Variants in GCNT1 observed in about 807,000 individuals in gnomAD.
GCNT1 encodes beta-1,3-galactosyl-O-glycosyl-glycoprotein beta-1,6-N-acetylglucosaminyltransferase.
Under a neutral mutation model 26.2 loss-of-function variants are expected in GCNT1, and 16 were observed. The observed-to-expected ratio is 0.61, with a 90% CI of 0.41 to 0.93. The LOEUF is 0.93. Among genes scored for constraint, GCNT1 ranks in the 40% least tolerant of loss-of-function variants. The pLI is 0.00. For synonymous variants in GCNT1, 183 were observed against 190.8 expected, an observed-to-expected ratio of 0.96 and a Z score of 0.34; for missense variants, 477 against 526.7, an observed-to-expected ratio of 0.91 and a Z score of 0.92.
chr9:76,487,133 CT>C (rs1824602247), intron 2 of GCNT1, among the ~76,000 whole-genome samples: 1 of 152,094 alleles, frequency 6.6e-6, no homozygotes, highest in Admixed American at 6.6e-5. Context: ...ACCAAATACC[CT>C]AAGATGAGAT....
chr9:76,465,851 T>C (rs1823981577), intron 2 of GCNT1, among the ~76,000 whole-genome samples: 1 of 152,160 alleles, frequency 6.6e-6, no homozygotes, highest in Admixed American at 6.5e-5. Context: ...GATTCAAAAG[T>C]TTCTGGCATA....
At chr9:76,454,634 G>T (rs1293488096), upstream of GCNT1, among the ~76,000 whole-genome samples, 1 of 151,498 alleles carries the variant, frequency 6.6e-6, no homozygotes, top group African/African-American at 2.4e-5. Flanking sequence ...TGGATCGTGG[G>T]GGCAGTTTCC....
At chr9:76,482,772 G>A (rs1166392232) in intron 2 of GCNT1, among the ~76,000 whole-genome samples, 1 of 151,224 alleles carries the variant, frequency 6.6e-6, no homozygotes, top group Admixed American at 6.6e-5. Flanking sequence ...AGCCTCCTGG[G>A]TAGCTGAGAC....
intron 2 of GCNT1, among the ~76,000 whole-genome samples, chr9:76,495,459 T>C (rs533245296): frequency 4.7e-4 from 71 of 152,278 alleles, no homozygotes; most frequent in Non-Finnish European, 9.3e-4. Flanking sequence ...TTCCACAGCA[T>C]GGAAGGGGAC....
chr9:76,485,657 G>T (rs1224943985), intron 2 of GCNT1, among the ~76,000 whole-genome samples: 1 of 151,980 alleles, frequency 6.6e-6, no homozygotes, highest in Non-Finnish European at 1.5e-5. Context: ...CATCATCTTG[G>T]GATCTGTCTT....
chr9:76,394,060 C>T, the GCNT1 span: 1 of 1,565,500 alleles, frequency 6.4e-7, no homozygotes, highest in Admixed American at 1.9e-5. Flanking sequence ...CGTGACCCGG[C>T]CCGGGGGACT....
chr9:76,456,738 T>G (rs1823763329), upstream of GCNT1, among the ~76,000 whole-genome samples: 1 of 152,178 alleles, frequency 6.6e-6, no homozygotes, highest in South Asian at 2.1e-4. Flanking sequence ...TATGGGAGAC[T>G]GAGGTGGGTG....
intron 1 of GCNT1, among the ~76,000 whole-genome samples, chr9:76,421,098 A>G (rs1356698896): frequency 1.3e-5 from 2 of 152,160 alleles, no homozygotes; most frequent in African/African-American, 4.8e-5. Context: ...ATATAAATGC[A>G]AGTGGAAAAA....
At chr9:76,397,131 A>C in the GCNT1 span, among the ~76,000 whole-genome samples, 1 of 152,152 alleles carries the variant, frequency 6.6e-6, no homozygotes, top group Non-Finnish European at 1.5e-5. Flanking sequence ...AAAATACAAA[A>C]ATTAGCCAGG....
At chr9:76,490,634 T>C (rs527861562) in intron 2 of GCNT1, among the ~76,000 whole-genome samples, 1 of 152,366 alleles carries the variant, frequency 6.6e-6, no homozygotes, top group Non-Finnish European at 1.5e-5. Flanking sequence ...TAATAAAACC[T>C]TGTTCAGTCC....
intron 2 of GCNT1, among the ~76,000 whole-genome samples, chr9:76,464,038 G>T (rs11144914): frequency 0.023 from 3,032 of 129,290 alleles, 45 homozygotes; most frequent in East Asian, 0.076. Context: ...CTCTTTTTTT[G>T]TTTTTTTTTT....
intron 2 of GCNT1, among the ~76,000 whole-genome samples, chr9:76,477,797 C>T (rs147517571): frequency 1.3e-5 from 2 of 152,196 alleles, no homozygotes; most frequent in East Asian, 3.8e-4. Flanking sequence ...ATTCTTCCCT[C>T]CCCCAGCTCT....
In GCNT1 at chr9:76,503,160, A is replaced by G; in HGVS notation, c.779A>G (p.Glu260Gly). ...HKEERWKKRY[E>G]VVNGKLTNTG... The stretch of plus-strand genomic sequence containing the variant: ...GAAGAAAGGTGGAAGAAGCGGTATG[A>G]GGTCGTTAATGGAAAGCTGACAAAC... The change falls in exon 4 of 4, where the codon GAG becomes GGG. Residue 260 changes from glutamate (E) to glycine (G), a missense_variant. Glu to Gly is a moderately conservative substitution (Grantham distance 98). Coordinates refer to ENST00000376730, the MANE Select transcript of GCNT1 (RefSeq NM_001490.5). 6.2e-7 allele frequency: 1 copy of G among 1,614,216 alleles called. No individual in the cohort carries two copies. The highest frequency in any genetic ancestry group is 8.5e-7 in the Non-Finnish European group (1 of 1,180,032).
chr9:76,458,452 G>A (rs1392928488), upstream of GCNT1, among the ~76,000 whole-genome samples: 2 of 152,076 alleles, frequency 1.3e-5, no homozygotes, highest in Non-Finnish European at 2.9e-5. Context: ...AAAGTGCTGG[G>A]ATTACAGGCG....
intron 1 of GCNT1, among the ~76,000 whole-genome samples, chr9:76,446,483 A>G (rs1194296947): frequency 2.0e-5 from 3 of 152,174 alleles, no homozygotes; most frequent in Non-Finnish European, 2.9e-5. Flanking sequence ...GATGGTATCT[A>G]TTGCCAATCA....
chr9:76,453,989 ATTCTAATAGAATGCT>A (rs1823712105), intron 1 of GCNT1, among the ~76,000 whole-genome samples: 1 of 152,222 alleles, frequency 6.6e-6, no homozygotes, highest in African/African-American at 2.4e-5. Flanking sequence ...GAGGGACGGC[ATTCTAATAGAATGCT>A]TCAACCATAA....
intron 2 of GCNT1, among the ~76,000 whole-genome samples, chr9:76,482,204 T>A (rs1264115837): frequency 6.6e-6 from 1 of 151,206 alleles, no homozygotes; most frequent in African/African-American, 2.4e-5. Context: ...CAACAAAGAG[T>A]TGTACTTACG....
upstream of GCNT1, among the ~76,000 whole-genome samples, chr9:76,438,505 G>T (rs749712525): frequency 5.3e-5 from 8 of 152,142 alleles, no homozygotes; most frequent in Non-Finnish European, 1.2e-4. Flanking sequence ...AATGCTGAAG[G>T]GGTATAATGA....
At chr9:76,451,440 A>C (rs1348397906) in intron 1 of GCNT1, among the ~76,000 whole-genome samples, 2 of 152,182 alleles carry the variant, frequency 1.3e-5, no homozygotes, top group Non-Finnish European at 2.9e-5. Context: ...ACATGGGGTG[A>C]GTCAGGGACT....
Sources: allele counts gnomAD v4.1 joint callset (sites outside exome capture counted in the v4.1 genomes callset), GRCh38; gene constraint gnomAD v4.1.1; transcripts MANE v1.5; gene names NCBI Gene and HGNC (gene_info 2026-07-23, HGNC 2026-07-21).